NRG3: variants seen among roughly 807,000 people sequenced by gnomAD.
NRG3 encodes the protein neuregulin 3.
Under a neutral mutation model 66.9 loss-of-function variants are expected in NRG3, and 31 were observed. That is an observed-to-expected ratio of 0.46 (90% CI 0.35 to 0.63). NRG3 has a LOEUF of 0.63. Ranked by LOEUF, NRG3 falls within the 20% of genes least tolerant of loss-of-function variation. NRG3 has a pLI of 0.00. For synonymous variants in NRG3, 393 were observed against 359.4 expected, an observed-to-expected ratio of 1.09 and a Z score of -1.06; for missense variants, 910 against 878.9, an observed-to-expected ratio of 1.04 and a Z score of -0.45.
intron 2 of NRG3, among the ~76,000 whole-genome samples, chr10:82,517,629 GCC>G (rs570369748): frequency 1.4e-5 from 1 of 70,432 alleles, no homozygotes; most frequent in Non-Finnish European, 2.8e-5. Flanking sequence ...CTCTCACCCC[GCC>G]CCCCCGTGTG....
In NRG3 at chr10:82,174,430, T is replaced by A. The variant is rs6584553; in HGVS notation, c.824-184309T>A. Among the ~76,000 whole-genome samples the A allele has an allele frequency of 9.6e-3, 1,461 of 152,240 alleles. 22 individuals carry two copies. The highest frequency in any genetic ancestry group is 0.033 in the African/African-American group (1,387 of 41,552). Reference sequence around the variant, plus strand: ...CCATCATTAAGCCAATCTTTCCTCATTCTAGCCTCCTTTAATAATGCTAAT... The same window carrying A: ...CCATCATTAAGCCAATCTTTCCTCAATCTAGCCTCCTTTAATAATGCTAAT... On this transcript the variant is annotated intron_variant, in intron 1 of 8. Transcript: ENST00000372141.
intron 1 of NRG3, among the ~76,000 whole-genome samples, chr10:81,899,596 C>T (rs545106302): frequency 1.3e-5 from 2 of 152,146 alleles, no homozygotes; most frequent in Non-Finnish European, 2.9e-5. Context: ...GAGAAAGCTC[C>T]TGGAGAGTGT....
In NRG3 at chr10:81,875,909, C is replaced by G. The variant is rs1190924615; in HGVS notation, c.569C>G (p.Pro190Arg). 1.2e-6 allele frequency: 2 copies of G among 1,612,908 alleles called. No homozygotes were observed. The highest frequency in any genetic ancestry group is 2.7e-5 in the African/African-American group (2 of 74,948). The change falls in exon 1 of 9, where the codon CCT becomes CGT. Residue 190 changes from proline to arginine, a missense_variant. Pro to Arg is a moderately radical substitution (Grantham distance 103). Transcript: ENST00000372141. The surrounding 1 kb of genome is among the most constrained non-coding windows in gnomAD (Gnocchi z 5.3). ...RSTTARNTAA[P>R]ATVPSTTAPF... ...ACCACAGCACGGAACACTGCGGCCC[C>G]TGCGACGGTCCCGTCCACCACGGCC...
intron 3 of NRG3, among the ~76,000 whole-genome samples, chr10:82,822,216 A>G (rs898612623): frequency 1.3e-5 from 2 of 152,240 alleles, no homozygotes; most frequent in South Asian, 2.1e-4. Context: ...CACCTGCCCA[A>G]AGAATAATGT....
chr10:82,812,839 A>ATAGT (rs1184486243), intron 3 of NRG3, among the ~76,000 whole-genome samples: 1 of 152,352 alleles, frequency 6.6e-6, no homozygotes, highest in African/African-American at 2.4e-5. Flanking sequence ...TTTATTCTAC[A>ATAGT]TAGTACAAAA....
intron 3 of NRG3, among the ~76,000 whole-genome samples, chr10:82,785,391 A>G (rs1042552205): frequency 2.0e-5 from 3 of 151,794 alleles, no homozygotes; most frequent in Non-Finnish European, 4.4e-5. Flanking sequence ...AATTAAATTA[A>G]AAGAAAAAAG....
At chr10:82,189,319 T>A (rs1021424945) in intron 1 of NRG3, among the ~76,000 whole-genome samples, 7 of 152,178 alleles carry the variant, frequency 4.6e-5, no homozygotes, top group Non-Finnish European at 7.3e-5. Flanking sequence ...AAATTTTGTC[T>A]CTTTTCTAGT....
At chr10:82,587,363 C>T (rs1565099726) in intron 2 of NRG3, among the ~76,000 whole-genome samples, 3 of 151,988 alleles carry the variant, frequency 2.0e-5, no homozygotes, top group African/African-American at 7.3e-5. Context: ...TGAAGTAATA[C>T]ATAAATATTT....
intron 1 of NRG3, among the ~76,000 whole-genome samples, chr10:82,015,353 C>A (rs571725121): frequency 6.6e-6 from 1 of 152,276 alleles, no homozygotes; most frequent in African/African-American, 2.4e-5. Flanking sequence ...ATCATTCATA[C>A]TTCAAAATAG....
intron 2 of NRG3, among the ~76,000 whole-genome samples, chr10:82,458,384 T>C (rs1048662942): frequency 6.6e-6 from 1 of 152,166 alleles, no homozygotes; most frequent in African/African-American, 2.4e-5. Flanking sequence ...GTTCCAGACA[T>C]TTTCAGAGGT....
At chr10:82,383,068 A>G (rs2135873933) in intron 2 of NRG3, among the ~76,000 whole-genome samples, 1 of 152,094 alleles carries the variant, frequency 6.6e-6, no homozygotes, top group Non-Finnish European at 1.5e-5. Flanking sequence ...GCCTTCATTT[A>G]TTCATTACAT....
intron 2 of NRG3, among the ~76,000 whole-genome samples, chr10:82,495,690 C>A (rs1203928592): frequency 2.0e-5 from 3 of 152,018 alleles, no homozygotes; most frequent in Non-Finnish European, 4.4e-5. Flanking sequence ...AAGGTCTTAG[C>A]AGAAGCCCTA....
At chr10:82,375,637 A>G (rs773316834) in intron 2 of NRG3, among the ~76,000 whole-genome samples, 5 of 152,332 alleles carry the variant, frequency 3.3e-5, no homozygotes, top group East Asian at 1.9e-4. Flanking sequence ...ACAATGGAAC[A>G]TGGACTTTTC....
chr10:82,625,638 A>G (rs955677198), intron 2 of NRG3, among the ~76,000 whole-genome samples: 5 of 152,120 alleles, frequency 3.3e-5, no homozygotes, highest in Non-Finnish European at 7.4e-5. Context: ...ACAGATGTAA[A>G]TGGTAGAGTT....
At chr10:81,987,990 T>C (rs2060589677) in intron 1 of NRG3, among the ~76,000 whole-genome samples, 1 of 152,200 alleles carries the variant, frequency 6.6e-6, no homozygotes, top group African/African-American at 2.4e-5. Flanking sequence ...AGATTCACTT[T>C]TTGGTTATTG....
intron 2 of NRG3, among the ~76,000 whole-genome samples, chr10:82,553,491 G>A (rs1297170812): frequency 6.6e-6 from 1 of 152,104 alleles, no homozygotes; most frequent in Non-Finnish European, 1.5e-5. Flanking sequence ...TTTATAAATA[G>A]AAGGGTTTGC....
chr10:82,670,101 T>G (rs2053145671), intron 2 of NRG3, among the ~76,000 whole-genome samples: 1 of 152,180 alleles, frequency 6.6e-6, no homozygotes, highest in African/African-American at 2.4e-5. Context: ...AAGATGACCT[T>G]GATTCTGGTG....
chr10:82,501,930 T>C (rs1844226794), intron 2 of NRG3, among the ~76,000 whole-genome samples: 1 of 152,174 alleles, frequency 6.6e-6, no homozygotes, highest in Non-Finnish European at 1.5e-5. Flanking sequence ...TTCACTGCTG[T>C]GTTCATGACA....
At chr10:82,807,608 T>G (rs1224667535) in intron 3 of NRG3, among the ~76,000 whole-genome samples, 1 of 152,214 alleles carries the variant, frequency 6.6e-6, no homozygotes, top group African/African-American at 2.4e-5. Context: ...ATCAGCATCA[T>G]CTGGGAGCTT....
Sources: gnomAD v4.1 joint callset for allele counts (sites outside exome capture counted in the v4.1 genomes callset) on GRCh38, gnomAD v4.1.1 for gene constraint, Gnocchi (gnomAD v3.1) non-coding constraint, MANE v1.5 for transcripts, NCBI Gene and HGNC (gene_info 2026-07-23, HGNC 2026-07-21) for gene names.